The following UBE2K variants were observed in gnomAD, a reference collection of about 807,000 sequenced individuals.
UBE2K encodes ubiquitin conjugating enzyme E2 K.
UBE2K carries 6 observed loss-of-function variants against 30.0 expected under a neutral mutation model. The ratio of observed to expected loss-of-function variants is 0.20; its 90% CI spans 0.11 to 0.39. UBE2K has a LOEUF of 0.39. Ranked by LOEUF, UBE2K falls within the 10% of genes least tolerant of loss-of-function variation. UBE2K has a pLI of 1.00. For synonymous variants in UBE2K, 86 were observed against 83.7 expected, an observed-to-expected ratio of 1.03 and a Z score of -0.15; for missense variants, 61 against 241.6, an observed-to-expected ratio of 0.25 and a Z score of 4.96.
intron 1 of UBE2K, among the ~76,000 whole-genome samples, chr4:39,700,326 T>A (rs1041714480): frequency 3.3e-5 from 5 of 152,164 alleles, no homozygotes; most frequent in African/African-American, 1.2e-4. Context: ...TCAAAAGTGT[T>A]TCAGAAGAAG....
At chr4:39,764,072 C>T (rs1259238422) in intron 4 of UBE2K, among the ~76,000 whole-genome samples, 1 of 152,196 alleles carries the variant, frequency 6.6e-6, no homozygotes, top group Non-Finnish European at 1.5e-5. Flanking sequence ...ATTATTAAAA[C>T]TGGCTGTGTG....
At chr4:39,760,125 C>T (rs145717349) in intron 4 of UBE2K, among the ~76,000 whole-genome samples, 25,960 of 131,926 alleles carry the variant, frequency 0.2, 4,205 homozygotes, top group African/African-American at 0.46. Flanking sequence ...TGCAGTGAGC[C>T]GACATCGCGC....
chr4:39,771,039 G>A lies in UBE2K; in HGVS notation c.300-3795G>A, dbSNP rs533222798. ...TAGCCTCACGGACCCCATCCTCTTT[G>A]AGGCCTATTTTGGGCTCAGTGAACT... On this transcript the variant is annotated intron_variant, in intron 4 of 6. Coordinates refer to ENST00000261427, the MANE Select transcript of UBE2K (RefSeq NM_005339.5). 7 of 1,612,382 alleles carry A rather than the reference G, an allele frequency of 4.3e-6. No individual in the cohort carries two copies. In the South Asian group the frequency reaches 7.7e-5, roughly 18 times the overall value.
intron 1 of UBE2K, among the ~76,000 whole-genome samples, chr4:39,706,175 C>T (rs577218608): frequency 1.8e-4 from 28 of 152,122 alleles, no homozygotes; most frequent in Admixed American, 6.6e-4. Flanking sequence ...CCACTCCCAG[C>T]TAATTTTTTG....
chr4:39,728,827 G>GT (rs372834149), intron 1 of UBE2K, among the ~76,000 whole-genome samples: 4,698 of 128,594 alleles, frequency 0.037, 173 homozygotes, highest in African/African-American at 0.093. Context: ...TGTTTTTTTT[G>GT]TTTTTTTTTT....
At chr4:39,774,761 T>G (rs1046917281) in intron 4 of UBE2K, 73 bp from the exon 5 acceptor site, 2 of 886,188 alleles carry the variant, frequency 2.3e-6, no homozygotes, top group Non-Finnish European at 3.1e-6. Flanking sequence ...TTTTTTAATT[T>G]TTATTAAGAA....
At chr4:39,749,228 C>G (rs1721131822) in intron 3 of UBE2K, among the ~76,000 whole-genome samples, 1 of 152,158 alleles carries the variant, frequency 6.6e-6, no homozygotes, top group Non-Finnish European at 1.5e-5. Flanking sequence ...GAAAATATAT[C>G]TTTGAATCAG....
chr4:39,700,788 AAG>A (rs1308647947), intron 1 of UBE2K, among the ~76,000 whole-genome samples: 1 of 151,888 alleles, frequency 6.6e-6, no homozygotes, highest in Non-Finnish European at 1.5e-5. Flanking sequence ...GTGGCCTTAT[AAG>A]AGCCTTTGTA....
chr4:39,699,232 A>C (rs1717873416), intron 1 of UBE2K, among the ~76,000 whole-genome samples: 1 of 152,216 alleles, frequency 6.6e-6, no homozygotes, highest in South Asian at 2.1e-4. Context: ...GATCAGAGAG[A>C]CTGTCTTAAG....
chr4:39,770,820 A>AT, intron 4 of UBE2K: 1 of 1,549,352 alleles, frequency 6.5e-7, no homozygotes, highest in East Asian at 2.2e-5. Flanking sequence ...GACGATGCAG[A>AT]TGTCAGATAC....
intron 1 of UBE2K, among the ~76,000 whole-genome samples, chr4:39,700,947 C>A (rs76849010): frequency 0.017 from 2,601 of 149,928 alleles, 66 homozygotes; most frequent in African/African-American, 0.062. Context: ...AAAAGAAGGG[C>A]ATGTGTGTAT....
At chr4:39,771,309 C>G in intron 4 of UBE2K, 1 of 1,612,222 alleles carries the variant, frequency 6.2e-7, no homozygotes, top group Non-Finnish European at 8.5e-7. Flanking sequence ...GGCCTCGAAA[C>G]TTGAGGCTGT....
intron 1 of UBE2K, among the ~76,000 whole-genome samples, chr4:39,702,625 A>G (rs1228831794): frequency 6.6e-6 from 1 of 152,138 alleles, no homozygotes; most frequent in Non-Finnish European, 1.5e-5. Flanking sequence ...AAATTACTAT[A>G]TAGTACATTA....
Position 39,698,238 on chromosome 4 carries a change from GGAGGAGGCGGTGGAGGAA to G in UBE2K, c.-85_-68del, listed in dbSNP as rs1199947195. On this transcript the variant is annotated 5_prime_UTR_variant, in exon 1 of 7. Transcript: ENST00000261427. The stretch of plus-strand genomic sequence containing the variant: ...GTGTGCTCAGGTCTGAATCGCCGAG[GGAGGAGGCGGTGGAGGAA>G]GAGGTGGCGGCGGTGGCGGTGGTCG... 22 of 1,286,086 alleles carry G rather than the reference GGAGGAGGCGGTGGAGGAA, an allele frequency of 1.7e-5. No individual in the cohort carries two copies. Among genetic ancestry groups the G allele is most frequent in the Non-Finnish European group, 1.9e-5 (17 of 901,006 alleles). 79.7% of individuals were successfully genotyped at this position (1,286,086 alleles called of 1,614,324 possible).
At chr4:39,745,841 TAC>T in intron 3 of UBE2K, 31 bp downstream of exon 3, 1 of 1,490,820 alleles carries the variant, frequency 6.7e-7, no homozygotes, top group Non-Finnish European at 9.1e-7. Context: ...TGCATGAAGT[TAC>T]AAAATATTTT....
At chr4:39,749,501 AAAAACTAAAC>A (rs66645246) in intron 3 of UBE2K, among the ~76,000 whole-genome samples, 15,185 of 151,952 alleles carry the variant, frequency 0.1, 1,075 homozygotes, top group African/African-American at 0.2. Flanking sequence ...TAAAAATGCC[AAAAACTAAAC>A]AAAACAAAAC....
chr4:39,764,914 T>G, intron 4 of UBE2K, among the ~76,000 whole-genome samples: 1 of 149,250 alleles, frequency 6.7e-6, no homozygotes. Flanking sequence ...GAGACAAGAG[T>G]CTCACTCTGT....
intron 1 of UBE2K, among the ~76,000 whole-genome samples, chr4:39,707,929 T>C (rs1393712696): frequency 6.6e-6 from 1 of 151,564 alleles, no homozygotes; most frequent in Non-Finnish European, 1.5e-5. Context: ...ACAGTTTTGC[T>C]CTTGTTGCCC....
At chr4:39,748,674 C>G (rs914037689) in intron 3 of UBE2K, among the ~76,000 whole-genome samples, 2 of 151,500 alleles carry the variant, frequency 1.3e-5, no homozygotes, top group African/African-American at 4.8e-5. Flanking sequence ...TCTAGCTGTT[C>G]CGTTTGGAGG....
Sources: gnomAD v4.1 joint callset for allele counts (sites outside exome capture counted in the v4.1 genomes callset) on GRCh38, gnomAD v4.1.1 for gene constraint, MANE v1.5 for transcripts, NCBI Gene and HGNC (gene_info 2026-07-23, HGNC 2026-07-21) for gene names.